The following LRRCC1 variants were observed in gnomAD, a reference collection of about 807,000 sequenced individuals.
LRRCC1 encodes the protein leucine-rich repeat and coiled-coil domain-containing protein 1.
Under a neutral mutation model 126.0 loss-of-function variants are expected in LRRCC1, and 115 were observed. That is an observed-to-expected ratio of 0.91 (90% CI 0.78 to 1.07). LRRCC1 has a LOEUF of 1.07. LRRCC1 is among the 50% of genes least tolerant of loss of function. The pLI is 0.00. For synonymous variants in LRRCC1, 400 were observed against 393.4 expected (o/e 1.02, Z -0.20); for missense variants, 1,172 against 1,175.7 (o/e 1.00, Z 0.05).
Position 85,141,524 on chromosome 8 carries a change from T to TGCGTGAACTTTTGG in LRRCC1, c.2976+7_2976+8insGCGTGAACTTTTGG. On this transcript the variant is annotated splice_region_variant and intron_variant, in intron 18 of 18. Transcript: ENST00000360375. ...TGATTCTGCAAATTTAAAGGTATTG[T>TGCGTGAACTTTTGG]AAGTAAAATTCACTTCAATAATCAG... 6.3e-7 allele frequency: 1 copy of TGCGTGAACTTTTGG among 1,590,688 alleles called. No homozygotes were observed. Among genetic ancestry groups the TGCGTGAACTTTTGG allele is most frequent in the Non-Finnish European group, 8.6e-7 (1 of 1,164,982 alleles).
At chr8:85,126,861 A>G in intron 9 of LRRCC1, 24 bp downstream of exon 9, 2 of 1,579,424 alleles carry the variant, frequency 1.3e-6, no homozygotes, top group Non-Finnish European at 1.7e-6. Flanking sequence ...AATAAACCTG[A>G]AGATACCTCA....
chr8:85,135,932 A>T lies in LRRCC1; in HGVS notation c.2298A>T (p.Arg766Ser). 6.3e-7 allele frequency: 1 copy of T among 1,597,538 alleles called. No homozygotes were observed. The highest frequency in any genetic ancestry group is 1.1e-5 in the South Asian group (1 of 87,952). The change falls in exon 14 of 19, where the codon AGA (arginine) becomes AGT (serine). Residue 766 changes from arginine (R) to serine (S), a missense_variant. Coordinates refer to ENST00000360375, the MANE Select transcript of LRRCC1 (RefSeq NM_033402.5). ...TAATATTTGGTTTAAGGACAGAAAGAAAAGTATGGGGACATGAGCTGGCAC... is the reference window on the plus strand; with the variant it reads ...TAATATTTGGTTTAAGGACAGAAAGTAAAGTATGGGGACATGAGCTGGCAC... ...ESLIFGLRTE[R>S]KVWGHELAQQ...
intron 12 of LRRCC1, among the ~76,000 whole-genome samples, chr8:85,132,805 G>A (rs1044740199): frequency 6.6e-6 from 1 of 152,112 alleles, no homozygotes; most frequent in Admixed American, 6.6e-5. Context: ...AGGAATAATT[G>A]TGCTCCTCTG....
chr8:85,124,573 A>T (rs896726589), intron 7 of LRRCC1, among the ~76,000 whole-genome samples: 29 of 152,172 alleles, frequency 1.9e-4, no homozygotes, highest in African/African-American at 6.8e-4. Flanking sequence ...AACCCTGAAC[A>T]TTTATGAAAT....
chr8:85,131,980 C>A lies in LRRCC1; in HGVS notation c.1968+19C>A. On this transcript the variant is annotated intron_variant, in intron 12 of 18. Transcript: ENST00000360375. ...TCAAGATGTAAGAATTGGCACCCAG[C>A]TTTTTATTGAAAACAGAATCAGTAA... The A allele has an allele frequency of 6.3e-7, 1 of 1,594,220 alleles. No homozygotes were observed. Among genetic ancestry groups the A allele is most frequent in the Non-Finnish European group, 8.5e-7 (1 of 1,169,994 alleles).
rs775912648 is a variant in LRRCC1 at position 85,129,906 on chromosome 8, G to A, written c.1627-13G>A. On this transcript the variant is annotated splice_polypyrimidine_tract_variant and intron_variant, in intron 10 of 18. Transcript: ENST00000360375. ...TATTATCTAAATAATGTAATTGTGG[G>A]TATTTTACTCAGATAAGACTGATCC... 2 of 1,505,516 alleles carry A rather than the reference G, an allele frequency of 1.3e-6. No homozygotes were observed. The highest frequency in any genetic ancestry group is 1.8e-6 in the Non-Finnish European group (2 of 1,133,508). 93.3% of individuals were successfully genotyped at this position (1,505,516 alleles called of 1,614,324 possible). A position where few individuals can be genotyped will look rare whatever the true frequency, so the allele number is the denominator to read the frequency against.
rs1424024921 is a variant in LRRCC1, at chr8:85,124,781, A to G, written c.1125-11A>G. The G allele has an allele frequency of 6.7e-7, 1 of 1,491,186 alleles. No homozygotes were observed. Among genetic ancestry groups the G allele is most frequent in the Admixed American group, 2.2e-5 (1 of 45,064 alleles). The allele number at this position is 1,491,186 out of a possible 1,614,324, so 92.4% of individuals were successfully genotyped here. A position where few individuals can be genotyped will look rare whatever the true frequency, so the allele number is the denominator to read the frequency against. On this transcript the variant is annotated splice_polypyrimidine_tract_variant and intron_variant, in intron 7 of 18. Transcript: ENST00000360375. ...TTTTTTGAGTTATTTTCTATGTTTC[A>G]TTCTTTACAGTTGTAATCGTAAAAT... is the stretch of plus-strand genomic sequence containing the variant.
rs1430274179 is a variant in LRRCC1, at chr8:85,109,719, A to C, written c.229A>C (p.Ile77Leu). Reference sequence around the variant, plus strand: ...ACATCTAGATCTGTCATCTAATCAAATAAGTAGAATTGAAGGACTAAACAC... The same window carrying C: ...ACATCTAGATCTGTCATCTAATCAACTAAGTAGAATTGAAGGACTAAACAC... ...LQHLDLSSNQ[I>L]SRIEGLNTLT... The change falls in exon 2 of 19, where the codon ATA (isoleucine) becomes CTA (leucine). Residue 77 changes from isoleucine to leucine, a missense_variant. Physicochemically the swap from Ile to Leu is conservative, Grantham distance 5 (BLOSUM62 2). Coordinates refer to ENST00000360375, the MANE Select transcript of LRRCC1 (RefSeq NM_033402.5). The C allele has an allele frequency of 6.2e-7, 1 of 1,603,578 alleles. No homozygotes were observed. Among genetic ancestry groups the C allele is most frequent in the Non-Finnish European group, 8.5e-7 (1 of 1,170,900 alleles).
At position 85,109,624 on chromosome 8, in the gene LRRCC1, T is replaced by C. The variant is rs1291991154; in HGVS notation, c.134T>C (p.Leu45Pro). The C allele has an allele frequency of 6.2e-6, 10 of 1,608,964 alleles. No individual in the cohort carries two copies. The highest frequency in any genetic ancestry group is 1.1e-5 in the South Asian group (1 of 90,584). Residue 45 changes from leucine to proline, a missense_variant, in exon 2 of 19, where the codon CTT becomes CCT. Transcript: ENST00000360375. ...SISELSLDST[L>P]HAVNLHCNNI... ...TCAGAATTATCTTTAGATTCAACTC[T>C]TCATGCCGTCAATCTTCATTGCAAT...
chr8:85,123,732 C>T (rs1425086848), intron 7 of LRRCC1, 126 bp downstream of exon 7: 4 of 704,884 alleles, frequency 5.7e-6, no homozygotes, highest in Admixed American at 6.9e-5. Flanking sequence ...TTCAGCCTTG[C>T]AGGTTCTGAT....
chr8:85,132,001 A>C, intron 12 of LRRCC1, 40 bp downstream of exon 12: 1 of 1,543,526 alleles, frequency 6.5e-7, no homozygotes, highest in South Asian at 1.2e-5. Context: ...AAACAGAATC[A>C]GTAAGATATG....
At chr8:85,125,621 C>T (rs1194467784) in intron 8 of LRRCC1, among the ~76,000 whole-genome samples, 1 of 135,850 alleles carries the variant, frequency 7.4e-6, no homozygotes, top group Non-Finnish European at 1.5e-5. Context: ...TGCAGTGAGC[C>T]GAGATCCCGC....
intron 18 of LRRCC1, among the ~76,000 whole-genome samples, chr8:85,143,725 A>G (rs1811427811): frequency 6.6e-6 from 1 of 152,210 alleles, no homozygotes; most frequent in Non-Finnish European, 1.5e-5. Context: ...TACAGGTAAT[A>G]CTAAATAAGT....
intron 12 of LRRCC1, among the ~76,000 whole-genome samples, chr8:85,133,222 G>A (rs1810611885): frequency 6.6e-6 from 1 of 152,160 alleles, no homozygotes; most frequent in Admixed American, 6.5e-5. Flanking sequence ...TGACCTAGGT[G>A]CAGGATTAGA....
Position 85,123,447 on chromosome 8 carries a change from A to G in LRRCC1, c.965A>G (p.Asp322Gly), listed in dbSNP as rs374888725. 2.3e-5 allele frequency: 37 copies of G among 1,600,846 alleles called. No individual in the cohort carries two copies. The highest frequency in any genetic ancestry group is 3.1e-5 in the Non-Finnish European group (37 of 1,176,858). The change falls in exon 7 of 19, where the codon GAC (aspartate) becomes GGC (glycine). Residue 322 changes from aspartate (D) to glycine (G), a missense_variant. Asp to Gly is a moderately conservative substitution (Grantham distance 94). Transcript: ENST00000360375. ...TCAATAGATAACGTTCTTGAGAAAG[A>G]CCCCAGACCAAAAAGAGACACAGAT... ...SNSIDNVLEK[D>G]PRPKRDTDIT...
At chr8:85,115,027 A>C in intron 4 of LRRCC1, 73 bp from the exon 5 acceptor site, 1 of 1,201,464 alleles carries the variant, frequency 8.3e-7, no homozygotes, top group Non-Finnish European at 1.2e-6. Flanking sequence ...GTAGCTGATA[A>C]ATTTAGTTTA....
intron 12 of LRRCC1, among the ~76,000 whole-genome samples, chr8:85,133,526 T>G (rs945325832): frequency 6.6e-6 from 1 of 152,192 alleles, no homozygotes; most frequent in Admixed American, 6.5e-5. Context: ...CATATTCTAC[T>G]TCACTGCTAA....
chr8:85,130,228 C>T (rs1293316748), intron 11 of LRRCC1, among the ~76,000 whole-genome samples, 170 bp downstream of exon 11: 13 of 151,166 alleles, frequency 8.6e-5, no homozygotes, highest in Non-Finnish European at 1.8e-4. Flanking sequence ...CTCTGCCTCC[C>T]GAGTTCACGC....
Position 85,114,997 on chromosome 8 carries a change from T to C in LRRCC1, c.545-103T>C, listed in dbSNP as rs16913590. On this transcript the variant is annotated intron_variant, in intron 4 of 18. Coordinates refer to ENST00000360375, the MANE Select transcript of LRRCC1 (RefSeq NM_033402.5). ...AAGTTTATTATTTGCTTTCTGGAAC[T>C]ATTCCGGGTGATGTATCTGGTAGCT... The C allele has an allele frequency of 6.0e-3, 4,829 of 807,830 alleles. 148 individuals are homozygous for C. The African/African-American group carries it at 0.075, about 13-fold the overall frequency. The allele number at this position is 807,830 out of a possible 1,614,324, so 50.0% of individuals were successfully genotyped here.
Sources: allele counts gnomAD v4.1 joint callset (sites outside exome capture counted in the v4.1 genomes callset), GRCh38; gene constraint gnomAD v4.1.1; transcripts MANE v1.5; gene names NCBI Gene and HGNC (gene_info 2026-07-23, HGNC 2026-07-21).